Variants in TMCO4 observed in about 807,000 individuals in gnomAD.
TMCO4 encodes transmembrane and coiled-coil domains 4.
In TMCO4, 58 loss-of-function variants were observed where a neutral mutation model predicts 64.7. That is an observed-to-expected ratio of 0.90 (90% confidence interval 0.73 to 1.12). The LOEUF is 1.12. Among genes scored for constraint, TMCO4 ranks in the 50% most tolerant of loss-of-function variants. The pLI is 0.00. For synonymous variants in TMCO4, 325 were observed against 346.1 expected (o/e 0.94, Z 0.68); for missense variants, 780 against 825.9 (o/e 0.94, Z 0.68).
intron 3 of TMCO4, among the ~76,000 whole-genome samples, chr1:19,786,008 G>A (rs993857112): frequency 3.3e-5 from 5 of 152,168 alleles, no homozygotes; most frequent in South Asian, 2.1e-4. Context: ...CCTGTAATCC[G>A]AGAGCTTTCG....
intron 13 of TMCO4, among the ~76,000 whole-genome samples, chr1:19,722,790 T>C (rs771945139): frequency 2.6e-5 from 4 of 152,144 alleles, no homozygotes; most frequent in Non-Finnish European, 4.4e-5. Context: ...GTGGGATGTC[T>C]GGCACAAGCT....
chr1:19,720,025 T>G (rs2095374804), intron 13 of TMCO4, among the ~76,000 whole-genome samples: 1 of 149,024 alleles, frequency 6.7e-6, no homozygotes, highest in Non-Finnish European at 1.5e-5. Context: ...TTTTTTTTTT[T>G]GTAGAGATGG....
intron 13 of TMCO4, among the ~76,000 whole-genome samples, chr1:19,735,143 G>C (rs146177969): frequency 1.3e-5 from 2 of 149,460 alleles, no homozygotes; most frequent in East Asian, 4.0e-4. Flanking sequence ...AAAATGACAA[G>C]TTCTGACATC....
intron 7 of TMCO4, among the ~76,000 whole-genome samples, chr1:19,749,364 T>C (rs569423730): frequency 1.9e-4 from 29 of 152,244 alleles, no homozygotes; most frequent in Middle Eastern, 3.4e-3. Context: ...CAGAATCTTT[T>C]TTTTTTTCCC....
chr1:19,708,694 G>A (rs2095314813), intron 13 of TMCO4, among the ~76,000 whole-genome samples: 1 of 152,056 alleles, frequency 6.6e-6, no homozygotes, highest in Admixed American at 6.6e-5. Context: ...AACCCTCACA[G>A]AGCTTTCTGT....
At chr1:19,708,608 G>A (rs1173937292) in intron 13 of TMCO4, among the ~76,000 whole-genome samples, 1 of 152,162 alleles carries the variant, frequency 6.6e-6, no homozygotes, top group African/African-American at 2.4e-5. Context: ...TTTGCCAGCG[G>A]GAATCAGGTG....
rs185001960 is a variant in TMCO4, at chr1:19,785,831, T to C, written c.-9+1195A>G. Among the ~76,000 whole-genome samples, 44 of 151,860 alleles carry C rather than the reference T, an allele frequency of 2.9e-4. No individual in the cohort carries two copies. The East Asian group carries it at 7.7e-3, about 27-fold the overall frequency. ...TGAGGCAGGGTGAGGGGATATGAAG[T>C]GATGGGGTGAAGCAGGGCTGGCTAC... On this transcript the variant is annotated intron_variant, in intron 3 of 15. Coordinates refer to ENST00000294543, the MANE Select transcript of TMCO4 (RefSeq NM_181719.7).
intron 7 of TMCO4, among the ~76,000 whole-genome samples, chr1:19,752,746 G>A (rs1051901525): frequency 3.3e-5 from 5 of 152,008 alleles, no homozygotes; most frequent in African/African-American, 1.2e-4. Context: ...TGGACATCGT[G>A]GTCAAATCAG....
intron 2 of TMCO4, among the ~76,000 whole-genome samples, chr1:19,793,795 T>C (rs930565668): frequency 1.3e-5 from 2 of 152,188 alleles, no homozygotes; most frequent in African/African-American, 4.8e-5. Flanking sequence ...TGCCTACATT[T>C]ACCACTGCTC....
chr1:19,768,299 A>G (rs1374024917), intron 6 of TMCO4, among the ~76,000 whole-genome samples: 1 of 152,168 alleles, frequency 6.6e-6, no homozygotes, highest in Admixed American at 6.5e-5. Context: ...ATTAGATTCT[A>G]TGTGCTGAGC....
At chr1:19,741,714 A>C (rs1396034911) in intron 10 of TMCO4, among the ~76,000 whole-genome samples, 1 of 150,624 alleles carries the variant, frequency 6.6e-6, no homozygotes, top group African/African-American at 2.4e-5. Context: ...CTTGTGGCCC[A>C]AGTGGCTTTT....
At chr1:19,735,239 G>C (rs2095448521) in intron 13 of TMCO4, among the ~76,000 whole-genome samples, 1 of 152,160 alleles carries the variant, frequency 6.6e-6, no homozygotes, top group African/African-American at 2.4e-5. Context: ...CCCAAACTGG[G>C]GCCAGGAATT....
intron 2 of TMCO4, among the ~76,000 whole-genome samples, chr1:19,796,586 A>AT (rs1309957717): frequency 6.6e-6 from 1 of 151,534 alleles, no homozygotes; most frequent in Non-Finnish European, 1.5e-5. Context: ...TTTTTATTTT[A>AT]TTTTTTTGAG....
chr1:19,771,582 G>C (rs878860213), intron 4 of TMCO4, 100 bp from the exon 5 acceptor site: 31 of 1,199,732 alleles, frequency 2.6e-5, no homozygotes, highest in Middle Eastern at 2.9e-4. Flanking sequence ...CAGCTGGCAC[G>C]TGCCTGACTT....
At chr1:19,694,686 C>CGGTGGGGA (rs2095223934) in intron 14 of TMCO4, 135 bp from the exon 15 acceptor site, 1 of 738,178 alleles carries the variant, frequency 1.4e-6, no homozygotes, top group East Asian at 2.6e-5. Flanking sequence ...CCTGATTGCA[C>CGGTGGGGA]GGTGGGGATG....
At chr1:19,776,909 C>T (rs2043231421) in intron 4 of TMCO4, among the ~76,000 whole-genome samples, 1 of 151,708 alleles carries the variant, frequency 6.6e-6, no homozygotes, top group Non-Finnish European at 1.5e-5. Context: ...CGCCTGTAAT[C>T]CCAGCTATTC....
At chr1:19,755,006 C>G (rs2042180121) in intron 7 of TMCO4, among the ~76,000 whole-genome samples, 1 of 152,222 alleles carries the variant, frequency 6.6e-6, no homozygotes, top group African/African-American at 2.4e-5. Context: ...GAATTGAATC[C>G]AGGTCAATTG....
At chr1:19,722,293 G>A (rs1177076108) in intron 13 of TMCO4, among the ~76,000 whole-genome samples, 2 of 152,174 alleles carry the variant, frequency 1.3e-5, no homozygotes, top group Non-Finnish European at 2.9e-5. Flanking sequence ...TGTTCTAGCA[G>A]TGCCTTCTGG....
chr1:19,745,358 G>T, intron 10 of TMCO4, 174 bp downstream of exon 10: 3 of 978,916 alleles, frequency 3.1e-6, no homozygotes, highest in Non-Finnish European at 4.5e-6. Context: ...CGAGATGATG[G>T]GCAGGTGGAC....
Sources: allele counts gnomAD v4.1 joint callset (sites outside exome capture counted in the v4.1 genomes callset), GRCh38; gene constraint gnomAD v4.1.1; transcripts MANE v1.5; gene names NCBI Gene and HGNC (gene_info 2026-07-23, HGNC 2026-07-21).